The following LDLRAD3 variants were observed in gnomAD, a reference collection of about 807,000 sequenced individuals.
LDLRAD3 encodes the protein low-density lipoprotein receptor class A domain-containing protein 3.
A neutral mutation model predicts 29.4 loss-of-function variants in LDLRAD3; 20 were observed. The observed-to-expected ratio is 0.68, with a 90% confidence interval of 0.48 to 0.99. The LOEUF (loss-of-function observed/expected upper bound fraction) is 0.99. Among genes scored for constraint, LDLRAD3 ranks in the 50% least tolerant of loss-of-function variants. The pLI is 0.00. For missense variants in LDLRAD3, 420 were observed against 454.3 expected, an observed-to-expected ratio of 0.92 and a Z score of 0.69; for synonymous variants, 157 against 192.7, an observed-to-expected ratio of 0.81 and a Z score of 1.53.
intron 1 of LDLRAD3, among the ~76,000 whole-genome samples, chr11:36,016,376 G>A (rs888051326): frequency 9.2e-5 from 14 of 152,090 alleles, no homozygotes; most frequent in African/African-American, 3.1e-4. Flanking sequence ...ACTGTATCAA[G>A]TACTCTTATC....
intron 4 of LDLRAD3, among the ~76,000 whole-genome samples, chr11:36,107,981 T>C (rs1264931747): frequency 6.6e-6 from 1 of 152,150 alleles, no homozygotes; most frequent in Non-Finnish European, 1.5e-5. Flanking sequence ...AAAGAAACAA[T>C]ACTGACCATT....
At chr11:36,084,829 T>C (rs1853171775) in intron 3 of LDLRAD3, among the ~76,000 whole-genome samples, 1 of 152,234 alleles carries the variant, frequency 6.6e-6, no homozygotes. Flanking sequence ...TGAATCAGTG[T>C]GGATTCACTT....
chr11:36,098,217 A>T (rs1347588791), intron 3 of LDLRAD3, 110 bp from the exon 4 acceptor site: 1 of 1,320,756 alleles, frequency 7.6e-7, no homozygotes, highest in South Asian at 1.3e-5. Flanking sequence ...AGCTTAGAAG[A>T]TAAGCTTACT....
At chr11:36,071,460 G>A (rs1053187514) in intron 2 of LDLRAD3, among the ~76,000 whole-genome samples, 1 of 152,066 alleles carries the variant, frequency 6.6e-6, no homozygotes. Flanking sequence ...GCTGTGCATT[G>A]TTTATTGAAA....
intron 1 of LDLRAD3, among the ~76,000 whole-genome samples, chr11:35,973,171 G>GT (rs200993993): frequency 0.012 from 1,600 of 128,612 alleles, 10 homozygotes; most frequent in Non-Finnish European, 0.017. Context: ...GTTTTGTTTT[G>GT]TTTTTTTTGA....
intron 1 of LDLRAD3, among the ~76,000 whole-genome samples, chr11:35,945,022 A>G (rs1293280820): frequency 6.6e-6 from 1 of 152,112 alleles, no homozygotes; most frequent in African/African-American, 2.4e-5. Context: ...CCCGCCGCCC[A>G]CAGCTGTCAG....
chr11:36,186,297 G>A (rs1436566900), intron 4 of LDLRAD3, among the ~76,000 whole-genome samples: 2 of 152,148 alleles, frequency 1.3e-5, no homozygotes, highest in South Asian at 2.1e-4. Context: ...CATGTAATAA[G>A]CACTCAGTAA....
At chr11:36,005,895 T>C (rs1314862597) in intron 1 of LDLRAD3, among the ~76,000 whole-genome samples, 1 of 152,044 alleles carries the variant, frequency 6.6e-6, no homozygotes, top group Non-Finnish European at 1.5e-5. Context: ...GCCACACATG[T>C]TTAAAGCATC....
chr11:36,180,195 T>C (rs755536315), intron 4 of LDLRAD3, among the ~76,000 whole-genome samples: 5 of 152,060 alleles, frequency 3.3e-5, no homozygotes, highest in Non-Finnish European at 4.4e-5. Context: ...GTCTCTTCCA[T>C]CCTAAGTCAG....
At chr11:35,984,701 G>C in intron 1 of LDLRAD3, among the ~76,000 whole-genome samples, 1 of 152,170 alleles carries the variant, frequency 6.6e-6, no homozygotes, top group Non-Finnish European at 1.5e-5. Context: ...ATGTGATCTT[G>C]GCTCACCGCA....
intron 4 of LDLRAD3, among the ~76,000 whole-genome samples, chr11:36,122,756 T>G (rs1286444098): frequency 1.3e-5 from 2 of 152,174 alleles, no homozygotes; most frequent in Non-Finnish European, 2.9e-5. Context: ...TGATGGTTCA[T>G]GCCTGTAATC....
At chr11:35,962,584 A>C (rs993536796) in intron 1 of LDLRAD3, among the ~76,000 whole-genome samples, 1 of 152,176 alleles carries the variant, frequency 6.6e-6, no homozygotes, top group Non-Finnish European at 1.5e-5. Flanking sequence ...GACCACCTCC[A>C]GTTTAATGAG....
chr11:36,141,333 G>A (rs981139009), intron 4 of LDLRAD3, among the ~76,000 whole-genome samples: 2 of 152,120 alleles, frequency 1.3e-5, no homozygotes, highest in Non-Finnish European at 2.9e-5. Context: ...GTTCATGTTC[G>A]TTTGTTTTGT....
chr11:36,221,889 T>C (rs1855433856), intron 4 of LDLRAD3, among the ~76,000 whole-genome samples: 1 of 152,204 alleles, frequency 6.6e-6, no homozygotes, highest in African/African-American at 2.4e-5. Flanking sequence ...TTTTTTCCCC[T>C]TATTTATATA....
At chr11:36,131,554 TA>T (rs1853925968) in intron 4 of LDLRAD3, among the ~76,000 whole-genome samples, 1 of 152,218 alleles carries the variant, frequency 6.6e-6, no homozygotes, top group Admixed American at 6.5e-5. Context: ...GAAAACACTA[TA>T]CTATTCCTAT....
chr11:36,046,673 A>T (rs2133219517), intron 2 of LDLRAD3, among the ~76,000 whole-genome samples: 1 of 152,308 alleles, frequency 6.6e-6, no homozygotes, highest in East Asian at 1.9e-4. Flanking sequence ...TACACTGGGT[A>T]AATATTGAGG....
intron 3 of LDLRAD3, among the ~76,000 whole-genome samples, chr11:36,095,423 C>T (rs947327468): frequency 6.8e-6 from 1 of 147,058 alleles, no homozygotes; most frequent in Non-Finnish European, 1.5e-5. Flanking sequence ...TACATTATTT[C>T]ACGGTTTTAC....
chr11:35,956,571 A>G (rs1386240772), intron 1 of LDLRAD3, among the ~76,000 whole-genome samples: 1 of 152,218 alleles, frequency 6.6e-6, no homozygotes, highest in Non-Finnish European at 1.5e-5. Flanking sequence ...AGAGTGAGTC[A>G]GTCTGGGTTC....
At chr11:36,030,303 C>G (rs1383039222) in intron 1 of LDLRAD3, among the ~76,000 whole-genome samples, 1 of 152,226 alleles carries the variant, frequency 6.6e-6, no homozygotes, top group African/African-American at 2.4e-5. Context: ...ACAGATGTCT[C>G]TGGTTCCTTC....
Sources: allele counts gnomAD v4.1 joint callset (sites outside exome capture counted in the v4.1 genomes callset), GRCh38; gene constraint gnomAD v4.1.1; transcripts MANE v1.5; gene names NCBI Gene and HGNC (gene_info 2026-07-23, HGNC 2026-07-21).